SMYD2: variants seen among roughly 807,000 people sequenced by gnomAD.
The protein encoded by SMYD2 is N-lysine methyltransferase SMYD2.
SMYD2 carries 53 observed loss-of-function variants against 59.1 expected under a neutral mutation model. That is an observed-to-expected ratio of 0.90 (90% confidence interval 0.72 to 1.13). The LOEUF is 1.13. SMYD2 is among the 50% of genes most tolerant of loss of function. The probability of loss-of-function intolerance (pLI) is 0.00; values close to 1 mark genes in which losing one functional copy is unlikely to be tolerated. For synonymous variants in SMYD2, 208 were observed against 198.8 expected (o/e 1.05, Z -0.39); for missense variants, 494 against 544.7 (o/e 0.91, Z 0.93).
In SMYD2 at chr1:214,334,226, A is replaced by T; in HGVS notation, c.1139A>T (p.Asn380Ile). 6.2e-7 allele frequency: 1 copy of T among 1,613,964 alleles called. No homozygotes were observed. The highest frequency in any genetic ancestry group is 8.5e-7 in the Non-Finnish European group (1 of 1,179,988). Residue 380 changes from asparagine (N) to isoleucine (I), a missense_variant, in exon 11 of 12, where the codon AAC becomes ATC. By Grantham distance (149) the Asn-to-Ile change is moderately radical (BLOSUM62 -3). Coordinates refer to ENST00000366957, the MANE Select transcript of SMYD2 (RefSeq NM_020197.3). ...AAGCACTATCCTTTGTACTCCCTCA[A>T]CGTGGCCTCCATGTGGTTGAAGCTA... The part of the protein sequence containing the change: ...YSKHYPLYSL[N>I]VASMWLKLGR...
In SMYD2 at chr1:214,314,824, G is replaced by T; in HGVS notation, c.300G>T (p.Trp100Cys). Residue 100 changes from tryptophan to cysteine, a missense_variant, in exon 3 of 12, where the codon TGG (tryptophan) becomes TGT (cysteine). Transcript: ENST00000366957. ...CCATGGTTGTTTTTGGGGAAAACTG[G>T]AATCCCTCGGAGACTGTAAGACTAA... ...CSPMVVFGENWNPSETVRLTA... is the reference protein window; with the variant it reads ...CSPMVVFGENCNPSETVRLTA... 1 of 1,614,104 alleles carries T rather than the reference G, an allele frequency of 6.2e-7. No homozygotes were observed.
At chr1:214,324,991 T>C (rs1657239042) in intron 6 of SMYD2, among the ~76,000 whole-genome samples, 2 of 152,254 alleles carry the variant, frequency 1.3e-5, no homozygotes, top group African/African-American at 4.8e-5. Flanking sequence ...CATGCCCTGC[T>C]GAGAAATTTG....
chr1:214,297,594 G>A (rs1485966676), intron 1 of SMYD2, among the ~76,000 whole-genome samples: 1 of 152,204 alleles, frequency 6.6e-6, no homozygotes, highest in East Asian at 1.9e-4. Flanking sequence ...CACAGTGCAG[G>A]TACCAGCTCA....
In SMYD2 at chr1:214,305,237, A is replaced by C; in HGVS notation, c.224A>C (p.Asn75Thr). 6.2e-7 allele frequency: 1 copy of C among 1,614,198 alleles called. No individual in the cohort carries two copies. The highest frequency in any genetic ancestry group is 8.5e-7 in the Non-Finnish European group (1 of 1,180,022). ...CGRCKQAFYC[N>T]VECQKEDWPM... The stretch of plus-strand genomic sequence containing the variant: ...AGATGCAAGCAGGCATTTTACTGCA[A>C]TGTGGAGTGTCAGGTAGGTGCTGGG... Residue 75 changes from asparagine (N) to threonine (T), a missense_variant, in exon 2 of 12, where the codon AAT becomes ACT. By Grantham distance (65) the Asn-to-Thr change is moderately conservative. Coordinates refer to ENST00000366957, the MANE Select transcript of SMYD2 (RefSeq NM_020197.3).
At position 214,312,497 on chromosome 1, in the gene SMYD2, G is replaced by A. The variant is rs570992366; in HGVS notation, c.238-2265G>A. On this transcript the variant is annotated intron_variant, in intron 2 of 11. Transcript: ENST00000366957. The surrounding 1 kb of genome is among the most constrained non-coding windows in gnomAD (Gnocchi z 4.1). The stretch of plus-strand genomic sequence containing the variant: ...AAGAAGCAGCAGAAAGCAAGGAAAG[G>A]AAGAATGATGGGGAAGTGCTCTTTC... Among the ~76,000 whole-genome samples, 5 of 152,330 alleles carry A rather than the reference G, an allele frequency of 3.3e-5. No individual in the cohort carries two copies. Among genetic ancestry groups the A allele is most frequent in the South Asian group, 4.1e-4 (2 of 4,826 alleles).
chr1:214,299,845 A>T (rs987578095), intron 1 of SMYD2, among the ~76,000 whole-genome samples: 1 of 152,070 alleles, frequency 6.6e-6, no homozygotes, highest in African/African-American at 2.4e-5. Flanking sequence ...TGACCTCGTG[A>T]TCTCCCCTCC....
chr1:214,324,605 C>T, intron 5 of SMYD2, 36 bp from the exon 6 acceptor site: 1 of 1,550,658 alleles, frequency 6.4e-7, no homozygotes, highest in Non-Finnish European at 8.8e-7. Flanking sequence ...GAAGCTCCAG[C>T]TCATTTTTTT....
chr1:214,300,364 C>T (rs1216523631), intron 1 of SMYD2, among the ~76,000 whole-genome samples: 1 of 152,174 alleles, frequency 6.6e-6, no homozygotes, highest in African/African-American at 2.4e-5. Context: ...TCTATGTACA[C>T]AATAAATACA....
intron 1 of SMYD2, among the ~76,000 whole-genome samples, chr1:214,291,666 G>A (rs954230430): frequency 6.6e-6 from 1 of 152,002 alleles, no homozygotes; most frequent in African/African-American, 2.4e-5. Flanking sequence ...TTCTTCCAGG[G>A]GTGTTGGCCA....
chr1:214,284,305 G>T (rs920527339), intron 1 of SMYD2, among the ~76,000 whole-genome samples: 1 of 113,740 alleles, frequency 8.8e-6, no homozygotes, highest in Non-Finnish European at 1.6e-5. Flanking sequence ...TTGTTGCCCA[G>T]GCTGGAGTGC....
chr1:214,320,536 G>C (rs1657156948), intron 5 of SMYD2, among the ~76,000 whole-genome samples: 1 of 152,178 alleles, frequency 6.6e-6, no homozygotes, highest in Non-Finnish European at 1.5e-5. Context: ...TGAGGTAGGA[G>C]GATCACTTGA....
At chr1:214,309,666 T>C (rs553530549) in intron 2 of SMYD2, among the ~76,000 whole-genome samples, 1 of 152,130 alleles carries the variant, frequency 6.6e-6, no homozygotes, top group Non-Finnish European at 1.5e-5. Flanking sequence ...TATGGGTGAT[T>C]AGTGTAATGG....
chr1:214,327,692 A>T lies in SMYD2; in HGVS notation c.673A>T (p.Arg225Ter). The T allele has an allele frequency of 1.2e-6, 2 of 1,614,194 alleles. No homozygotes were observed. The highest frequency in any genetic ancestry group is 8.5e-7 in the Non-Finnish European group (1 of 1,180,020). The change falls in exon 7 of 12, where the codon AGA becomes TGA. Residue 225 changes from arginine (R) to a stop codon, truncating the protein, a stop_gained. Transcript: ENST00000366957. LOFTEE classifies it high-confidence loss of function. ...CTACAAAGGGACCCTGGCAGAAGTC[A>T]GAGCTGTACAGGAAATCAAGCCGGG... ...VTYKGTLAEV[R>*]AVQEIKPGEE...
chr1:214,281,534 G>T, intron 1 of SMYD2, 107 bp downstream of exon 1: 1 of 193,494 alleles, frequency 5.2e-6, no homozygotes, highest in Non-Finnish European at 9.3e-6. Flanking sequence ...CCTAGCGCCG[G>T]CCCTTGGGGC....
rs6702729 is a variant in SMYD2 at position 214,304,274 on chromosome 1, T to G, written c.174-913T>G. ...AATACAGTATTCAAGAATCTATTTC[T>G]TGGTGGGGGCACGGCGGCTCATGCC... is the stretch of plus-strand genomic sequence containing the variant. On this transcript the variant is annotated intron_variant, in intron 1 of 11. Coordinates refer to ENST00000366957, the MANE Select transcript of SMYD2 (RefSeq NM_020197.3). Among the ~76,000 whole-genome samples the G allele has an allele frequency of 5.5e-3, 834 of 152,280 alleles. 9 individuals are homozygous for G. The highest frequency in any genetic ancestry group is 0.019 in the African/African-American group (798 of 41,576).
At chr1:214,319,036 C>T in intron 5 of SMYD2, 53 bp downstream of exon 5, 1 of 1,595,176 alleles carries the variant, frequency 6.3e-7, no homozygotes, top group Non-Finnish European at 8.5e-7. Flanking sequence ...CTCTCCAAGG[C>T]CCTCTCCCTA....
rs372313690 is a variant in SMYD2, at chr1:214,330,202, C to T, written c.740C>T (p.Thr247Met). The T allele has an allele frequency of 2.2e-5, 36 of 1,613,226 alleles. No individual in the cohort carries two copies. The highest frequency in any genetic ancestry group is 4.5e-5 in the East Asian group (2 of 44,884). Residue 247 changes from threonine (T) to methionine (M), a missense_variant, in exon 8 of 12, where the codon ACG becomes ATG. By Grantham distance (81) the Thr-to-Met change is moderately conservative (BLOSUM62 -1). Transcript: ENST00000366957. ...AGCTATATTGATCTCCTGTACCCAA[C>T]GGAAGATAGAAATGACCGGTTAAGA... ...FTSYIDLLYP[T>M]EDRNDRLRDS... is the part of the protein sequence containing the mutation.
chr1:214,318,034 T>A lies in SMYD2; in HGVS notation c.349-45T>A. Reference sequence around the variant, plus strand: ...TGAAAGTGCCACTTTATTACACTGGTTGTTAAAAAATCTGTATCTGTGTGA... The same window carrying A: ...TGAAAGTGCCACTTTATTACACTGGATGTTAAAAAATCTGTATCTGTGTGA... On this transcript the variant is annotated intron_variant, in intron 3 of 11. Transcript: ENST00000366957. The surrounding 1 kb of genome is among the most constrained non-coding windows in gnomAD (Gnocchi z 5.4). 1 of 1,546,350 alleles carries A rather than the reference T, an allele frequency of 6.5e-7. No individual in the cohort carries two copies. The highest frequency in any genetic ancestry group is 8.9e-7 in the Non-Finnish European group (1 of 1,121,192).
chr1:214,325,979 C>T (rs138854215), intron 6 of SMYD2, among the ~76,000 whole-genome samples: 3,076 of 151,890 alleles, frequency 0.02, 46 homozygotes, highest in Non-Finnish European at 0.033. Context: ...GTGGCTCACA[C>T]CTATAATCCC....
Sources: allele counts gnomAD v4.1 joint callset (sites outside exome capture counted in the v4.1 genomes callset), GRCh38; gene constraint gnomAD v4.1.1; non-coding constraint Gnocchi (gnomAD v3.1); transcripts MANE v1.5; gene names NCBI Gene and HGNC (gene_info 2026-07-23, HGNC 2026-07-21).